NACA: variants seen among roughly 807,000 people sequenced by gnomAD.
NACA encodes the protein nascent polypeptide-associated complex subunit alpha.
Under a neutral mutation model 86.4 loss-of-function variants are expected in NACA, and 42 were observed. That is an observed-to-expected ratio of 0.49 (90% confidence interval 0.38 to 0.63). NACA has a LOEUF of 0.63. NACA is among the 20% of genes least tolerant of loss of function. The probability of loss-of-function intolerance (pLI) is 0.00; values close to 1 mark genes in which losing one functional copy is unlikely to be tolerated. For missense variants in NACA, 2,157 were observed against 2,483.6 expected (o/e 0.87, Z 2.80); for synonymous variants, 898 against 973.7 (o/e 0.92, Z 1.45).
chr12:56,719,960 C>G lies in NACA; in HGVS notation c.1570G>C (p.Val524Leu). 1 of 1,613,664 alleles carries G rather than the reference C, an allele frequency of 6.2e-7. No individual in the cohort carries two copies. Among genetic ancestry groups the G allele is most frequent in the African/African-American group, 1.3e-5 (1 of 74,928 alleles). Reference protein sequence around the residue: ...DLKNLPSSVLVKFPTQKDLQT... With the variant: ...DLKNLPSSVLLKFPTQKDLQT... ...AGGTCTTTTTGTGTTGGAAATTTAA[C>G]CAATACTGAACTGGGGAGATTTTTG... Residue 524 changes from valine to leucine, a missense_variant, in exon 3 of 9, where the codon GTT becomes CTT. Physicochemically the swap from Val to Leu is conservative, Grantham distance 32. Transcript: ENST00000454682.
chr12:56,720,010 G>A lies in NACA; in HGVS notation c.1520C>T (p.Pro507Leu). 1 of 1,613,900 alleles carries A rather than the reference G, an allele frequency of 6.2e-7. No homozygotes were observed. Residue 507 changes from proline (P) to leucine (L), a missense_variant, in exon 3 of 9, where the codon CCT becomes CTT. Transcript: ENST00000454682. ...VATTLRIPVS[P>L]PLPDPEDLKN... ...GAGGTCTTCAGGGTCTGGCAGAGGA[G>A]GAGAGACTGGTATCCTCAGAGTGGT...
chr12:56,720,212 G>A lies in NACA; in HGVS notation c.1318C>T (p.Pro440Ser), dbSNP rs756525908. The part of the protein sequence containing the change: ...QMPVSSVGTT[P>S]LVVTNPCTIA... ...GTACAGGGGTTAGTCACCACAAGTG[G>A]GGTGGTTCCAACAGAAGAAACGGGC... The change falls in exon 3 of 9, where the codon CCA (proline) becomes TCA (serine). Residue 440 changes from proline (P) to serine (S), a missense_variant. Physicochemically the swap from Pro to Ser is moderately conservative, Grantham distance 74 (BLOSUM62 -1). Coordinates refer to ENST00000454682, the MANE Select transcript of NACA (RefSeq NM_001365896.1). 4 of 1,613,946 alleles carry A rather than the reference G, an allele frequency of 2.5e-6. No homozygotes were observed. The South Asian group carries it at 4.4e-5, about 18-fold the overall frequency.
Position 56,720,939 on chromosome 12 carries a change from A to C in NACA, c.591T>G (p.Pro197=). 1 of 1,614,016 alleles carries C rather than the reference A, an allele frequency of 6.2e-7. No homozygotes were observed. Among genetic ancestry groups the C allele is most frequent in the Non-Finnish European group, 8.5e-7 (1 of 1,179,872 alleles). The change falls in exon 3 of 9, where the codon CCT becomes CCG. Residue 197 remains proline (P), a synonymous_variant. Transcript: ENST00000454682. Reference sequence around the variant, plus strand: ...GAGGGCTGGGGGTGCCTTTTGGATTAGGGACTACCTCAGAGGGAACTTTAT... The same window carrying C: ...GAGGGCTGGGGGTGCCTTTTGGATTCGGGACTACCTCAGAGGGAACTTTAT... ...NLNKVPSEVV[P]NPKGTPSPPC...
chr12:56,720,322 G>T lies in NACA; in HGVS notation c.1208C>A (p.Thr403Asn), dbSNP rs1280961384. 6.2e-7 allele frequency: 1 copy of T among 1,613,862 alleles called. No individual in the cohort carries two copies. Among genetic ancestry groups the T allele is most frequent in the Non-Finnish European group, 8.5e-7 (1 of 1,179,832 alleles). Residue 403 changes from threonine (T) to asparagine (N), a missense_variant, in exon 3 of 9, where the codon ACC becomes AAC. By Grantham distance (65) the Thr-to-Asn change is moderately conservative. Transcript: ENST00000454682. Reference protein sequence around the residue: ...CSPSGSLNVATSFSLSPTTSL... With the variant: ...CSPSGSLNVANSFSLSPTTSL... Reference sequence around the variant, plus strand: ...GGTTGTAGGAGATAATGAAAAAGAGGTAGCTACATTTAAGGAGCCAGAAGG... The same window carrying T: ...GGTTGTAGGAGATAATGAAAAAGAGTTAGCTACATTTAAGGAGCCAGAAGG...
In NACA at chr12:56,718,728, TG is replaced by T; in HGVS notation, c.2801del (p.Pro934HisfsTer81). ...TPAPKGIPAS[P>X]SPKGAPTPPA... ...GGGGTGTGGGGGCCCCTTTGGGGGA[TG>T]GGGAAGCTGGGATTCCTTTAGGGGC... On this transcript the variant is annotated frameshift_variant, in exon 3 of 9. Transcript: ENST00000454682. LOFTEE classifies it high-confidence loss of function. 6.9e-7 allele frequency: 1 copy of T among 1,440,420 alleles called. No individual in the cohort carries two copies. Among genetic ancestry groups the T allele is most frequent in the Non-Finnish European group, 9.4e-7 (1 of 1,068,786 alleles). 89.2% of individuals were successfully genotyped at this position (1,440,420 alleles called of 1,614,324 possible).
chr12:56,713,515 T>C (rs373017103), intron 6 of NACA, 22 bp downstream of exon 6: 3 of 1,612,450 alleles, frequency 1.9e-6, no homozygotes, highest in African/African-American at 2.7e-5. Flanking sequence ...TCTGGAACAA[T>C]GCCCAAGAAA....
chr12:56,720,488 C>G lies in NACA; in HGVS notation c.1042G>C (p.Ala348Pro). ...ACAGATCTCTGAGAAGGATAAGAGG[C>G]CCCTGTGGAAGAATGATCTACAGAA... is the stretch of plus-strand genomic sequence containing the variant. ...TISVDHSSTG[A>P]SYPSQRSVIP... Residue 348 changes from alanine to proline, a missense_variant, in exon 3 of 9, where the codon GCC becomes CCC. Physicochemically the swap from Ala to Pro is conservative, Grantham distance 27. This residue lies in a region of NACA where 947 missense variants were observed against 917.9 expected (regional missense o/e 1.03). Coordinates refer to ENST00000454682, the MANE Select transcript of NACA (RefSeq NM_001365896.1). The G allele has an allele frequency of 6.2e-7, 1 of 1,613,676 alleles. No homozygotes were observed. Among genetic ancestry groups the G allele is most frequent in the South Asian group, 1.1e-5 (1 of 91,042 alleles).
Position 56,720,769 on chromosome 12 carries a change from A to G in NACA, c.761T>C (p.Val254Ala). The G allele has an allele frequency of 6.2e-7, 1 of 1,614,006 alleles. No individual in the cohort carries two copies. The highest frequency in any genetic ancestry group is 8.5e-7 in the Non-Finnish European group (1 of 1,179,898). ...PQVKDTTISS[V>A]LISPQNPGSL... ...TCCTGGGTTTTGTGGAGAAATCAGA[A>G]CTGAGGAAATGGTGGTATCTTTGAC... The change falls in exon 3 of 9, where the codon GTT becomes GCT. Residue 254 changes from valine (V) to alanine (A), a missense_variant. Around this residue, in one of 8 missense-constraint regions of NACA, gnomAD observed 947 missense variants for 917.9 expected, o/e 1.03. Transcript: ENST00000454682.
chr12:56,713,821 C>T (rs1953278821), intron 5 of NACA, 138 bp from the exon 6 acceptor site: 3 of 870,014 alleles, frequency 3.4e-6, no homozygotes, highest in East Asian at 2.5e-5. Flanking sequence ...AATGGGTTTT[C>T]TGCCGTAGTA....
intron 6 of NACA, 44 bp from the exon 7 acceptor site, chr12:56,713,234 C>A: frequency 6.3e-7 from 1 of 1,599,034 alleles, no homozygotes. Context: ...GATTAGCAGT[C>A]TTTGAAAAAT....
chr12:56,719,714 TG>T lies in NACA; in HGVS notation c.1815del (p.Ser606AlafsTer3). Reference protein sequence around the residue: ...LGEPLPIGKPASSMTSPLGVN... With the variant: ...LGEPLPIGKPXSSMTSPLGVN... Reference sequence around the variant, plus strand: ...ACACCCAGAGGGGAGGTCATACTGCTGGCTGGCTTACCTATAGGGAGAGGCT... The same window carrying T: ...ACACCCAGAGGGGAGGTCATACTGCTGCTGGCTTACCTATAGGGAGAGGCT... On this transcript the variant is annotated frameshift_variant, in exon 3 of 9. Transcript: ENST00000454682. LOFTEE classifies it high-confidence loss of function. 6.2e-7 allele frequency: 1 copy of T among 1,613,952 alleles called. No individual in the cohort carries two copies. The highest frequency in any genetic ancestry group is 1.3e-5 in the African/African-American group (1 of 75,028).
chr12:56,721,058 G>A lies in NACA; in HGVS notation c.472C>T (p.Leu158Phe), dbSNP rs148087516. ...ACAGCCACTGAAGGAGGTGAAGTAA[G>A]AAGGTTAGGTGGAAAAGCAGAACTC... ...QKSSAFPPNLLTSPPSVAVAE... is the reference protein window; with the variant it reads ...QKSSAFPPNLFTSPPSVAVAE... The change falls in exon 3 of 9, where the codon CTT (leucine) becomes TTT (phenylalanine). Residue 158 changes from leucine to phenylalanine, a missense_variant. By Grantham distance (22) the Leu-to-Phe change is conservative (BLOSUM62 0). Transcript: ENST00000454682. 1.4e-4 allele frequency: 234 copies of A among 1,613,960 alleles called. No individual in the cohort carries two copies. The Admixed American group carries it at 3.8e-3, about 26-fold the overall frequency.
chr12:56,712,933 G>A (rs755291310), intron 7 of NACA, 25 bp from the exon 8 acceptor site: 1 of 1,613,910 alleles, frequency 6.2e-7, no homozygotes, highest in Non-Finnish European at 8.5e-7. Context: ...GGAAAAAGCA[G>A]TAAATTAAAG....
intron 2 of NACA, among the ~76,000 whole-genome samples, chr12:56,723,176 A>G (rs947799678): frequency 6.6e-6 from 1 of 152,222 alleles, no homozygotes; most frequent in Non-Finnish European, 1.5e-5. Flanking sequence ...TTCCTTCTTC[A>G]TTCTAATAGA....
chr12:56,716,045 A>C lies in NACA; in HGVS notation c.5485T>G (p.Ser1829Ala). Residue 1829 changes from serine to alanine, a missense_variant, in exon 3 of 9, where the codon TCT becomes GCT. By Grantham distance (99) the Ser-to-Ala change is moderately conservative. Transcript: ENST00000454682. ...TCATCAGCAGGGGCAAGGGGTTTAG[A>C]GGGTGATTCCAACACCAGCCCAGGA... is the stretch of plus-strand genomic sequence containing the variant. ...SSPGLVLESP[S>A]KPLAPADEDE... is the part of the protein sequence containing the mutation. 1 of 1,610,390 alleles carries C rather than the reference A, an allele frequency of 6.2e-7. No individual in the cohort carries two copies. Among genetic ancestry groups the C allele is most frequent in the Non-Finnish European group, 8.5e-7 (1 of 1,177,616 alleles).
chr12:56,719,625 A>G lies in NACA; in HGVS notation c.1905T>C (p.Leu635=). ...SYAGPDSAGP[L]LKSSLITPTV... is the part of the protein sequence containing the mutation. ...TTGGGGTAATGAGAGAACTTTTGAGAAGCGGACCAGCAGAGTCTGGGCCTG... is the reference window on the plus strand; with the variant it reads ...TTGGGGTAATGAGAGAACTTTTGAGGAGCGGACCAGCAGAGTCTGGGCCTG... The change falls in exon 3 of 9, where the codon CTT becomes CTC. Residue 635 remains leucine (L), a synonymous_variant. Transcript: ENST00000454682. 1 of 1,613,912 alleles carries G rather than the reference A, an allele frequency of 6.2e-7. No homozygotes were observed. The highest frequency in any genetic ancestry group is 8.5e-7 in the Non-Finnish European group (1 of 1,179,882).
At chr12:56,723,501 G>C (rs953021021) in intron 2 of NACA, among the ~76,000 whole-genome samples, 2 of 151,810 alleles carry the variant, frequency 1.3e-5, no homozygotes, top group Non-Finnish European at 2.9e-5. Flanking sequence ...ATTTCATATT[G>C]TTTATACTCC....
chr12:56,714,646 G>T lies in NACA; in HGVS notation c.5701C>A (p.Leu1901Ile), dbSNP rs1432006073. 6.2e-7 allele frequency: 1 copy of T among 1,614,148 alleles called. No homozygotes were observed. The highest frequency in any genetic ancestry group is 1.7e-5 in the Admixed American group (1 of 60,018). ...GCCTGGGTGGAATCCTGTTCTTCAA[G>T]CTCTGGTACTGATTCATCACTGTCA... ...ESDSDESVPE[L>I]EEQDSTQATT... is the part of the protein sequence containing the mutation. The change falls in exon 4 of 9, where the codon CTT becomes ATT. Residue 1901 changes from leucine to isoleucine, a missense_variant. Physicochemically the swap from Leu to Ile is conservative, Grantham distance 5 (BLOSUM62 2). Around this residue, in one of 8 missense-constraint regions of NACA, gnomAD observed 797 missense variants for 777.6 expected, o/e 1.02. Coordinates refer to ENST00000454682, the MANE Select transcript of NACA (RefSeq NM_001365896.1).
Position 56,719,849 on chromosome 12 carries a change from G to T in NACA, c.1681C>A (p.Pro561Thr). ...LTTKKDPTVL[P>T]LVQAAPKNSP... is the part of the protein sequence containing the mutation. Reference sequence around the variant, plus strand: ...TTTTTAGGGGCTGCCTGGACTAACGGTAATACAGTAGGGTCTTTCTTGGTG... The same window carrying T: ...TTTTTAGGGGCTGCCTGGACTAACGTTAATACAGTAGGGTCTTTCTTGGTG... The change falls in exon 3 of 9, where the codon CCG becomes ACG. Residue 561 changes from proline (P) to threonine (T), a missense_variant. Coordinates refer to ENST00000454682, the MANE Select transcript of NACA (RefSeq NM_001365896.1). 4 of 1,613,892 alleles carry T rather than the reference G, an allele frequency of 2.5e-6. No individual in the cohort carries two copies. The highest frequency in any genetic ancestry group is 3.4e-6 in the Non-Finnish European group (4 of 1,179,864).
Sources: gnomAD v4.1 joint callset for allele counts (sites outside exome capture counted in the v4.1 genomes callset) on GRCh38, gnomAD v4.1.1 for gene constraint, gnomAD v4.1.1 regional missense constraint, MANE v1.5 for transcripts, NCBI Gene and HGNC (gene_info 2026-07-23, HGNC 2026-07-21) for gene names.